The following ARID3A variants were observed in gnomAD, a reference collection of about 807,000 sequenced individuals.
The protein encoded by ARID3A is AT-rich interactive domain-containing protein 3A.
A neutral mutation model predicts 52.7 loss-of-function variants in ARID3A; 11 were observed. That is an observed-to-expected ratio of 0.21 (90% CI 0.13 to 0.35). The LOEUF is 0.35. Among genes scored for constraint, ARID3A ranks in the 10% least tolerant of loss-of-function variants. The pLI, the probability that ARID3A is intolerant of heterozygous loss-of-function variation, is 1.00. For missense variants in ARID3A, 721 were observed against 838.5 expected (o/e 0.86, Z 1.73); for synonymous variants, 404 against 359.4 (o/e 1.12, Z -1.40).
At chr19:950,877 C>T (rs931880554) in intron 3 of ARID3A, among the ~76,000 whole-genome samples, 2 of 151,972 alleles carry the variant, frequency 1.3e-5, no homozygotes, top group African/African-American at 4.8e-5. Flanking sequence ...GGCTGGAGTG[C>T]AATGGCACGA....
At chr19:951,101 C>A (rs924384085) in intron 3 of ARID3A, among the ~76,000 whole-genome samples, 1 of 151,972 alleles carries the variant, frequency 6.6e-6, no homozygotes, top group Non-Finnish European at 1.5e-5. Flanking sequence ...GGATTACAGG[C>A]GTGAGCCACT....
rs547284124 is a variant in ARID3A at position 941,150 on chromosome 19, C to T, written c.693+8408C>T. ...CCGCCCCATGCTTTCTAATAACACA[C>T]GCGGCAGCCCGAGGGAGCGGTGCCC... On this transcript the variant is annotated intron_variant, in intron 3 of 8. Coordinates refer to ENST00000263620, the MANE Select transcript of ARID3A (RefSeq NM_005224.3). This position sits in a 1 kb window ranked among gnomAD's most constrained non-coding sequence, Gnocchi z 6.9. 6.6e-6 allele frequency among the ~76,000 whole-genome samples: 1 copy of T among 152,224 alleles called. No individual in the cohort carries two copies. The highest frequency in any genetic ancestry group is 2.1e-4 in the South Asian group (1 of 4,836).
intron 3 of ARID3A, among the ~76,000 whole-genome samples, chr19:936,480 G>C (rs1382582732): frequency 6.6e-6 from 1 of 152,018 alleles, no homozygotes. Context: ...GGAGGACAAG[G>C]CTGCAGTGAG....
intron 3 of ARID3A, among the ~76,000 whole-genome samples, chr19:943,230 C>T (rs1040558779): frequency 6.7e-6 from 1 of 149,824 alleles, no homozygotes; most frequent in African/African-American, 2.5e-5. Context: ...GACTGCACTC[C>T]AGACTGGGCG....
chr19:951,888 C>G (rs569061244), intron 3 of ARID3A, among the ~76,000 whole-genome samples: 1 of 152,134 alleles, frequency 6.6e-6, no homozygotes, highest in Admixed American at 6.5e-5. Flanking sequence ...AGAATCCCAG[C>G]ACTTCGAGAG....
At position 975,488 on chromosome 19, in the gene ARID3A, T is replaced by C. The variant is rs1178833523; in HGVS notation, c.*3423T>C. On this transcript the variant is annotated 3_prime_UTR_variant, in exon 9 of 9. Coordinates refer to ENST00000263620, the MANE Select transcript of ARID3A (RefSeq NM_005224.3). The stretch of plus-strand genomic sequence containing the variant: ...CAATTGTGCTTTTGCATTTTTTTCC[T>C]TGGCAAATGTAAACTCAGCCTTTCA... The C allele has an allele frequency of 8.8e-6, 2 of 226,888 alleles. No individual in the cohort carries two copies. Among genetic ancestry groups the C allele is most frequent in the East Asian group, 1.3e-4 (2 of 15,940 alleles). 14.1% of individuals were successfully genotyped at this position (226,888 alleles called of 1,614,324 possible). A position where few individuals can be genotyped will look rare whatever the true frequency, so the allele number is the denominator to read the frequency against.
chr19:975,559 C>T lies in ARID3A; in HGVS notation c.*3494C>T, dbSNP rs2038361295. On this transcript the variant is annotated 3_prime_UTR_variant, in exon 9 of 9. Coordinates refer to ENST00000263620, the MANE Select transcript of ARID3A (RefSeq NM_005224.3). ...AGTTTCTCTGGAGTTTGTCAGACGG[C>T]GTGGGAACCACGCCTGAAACTCAGG... The T allele has an allele frequency of 9.8e-6, 2 of 203,662 alleles. No individual in the cohort carries two copies. The highest frequency in any genetic ancestry group is 6.0e-5 in the Admixed American group (1 of 16,682). 12.6% of individuals were successfully genotyped at this position (203,662 alleles called of 1,614,324 possible). A position where few individuals can be genotyped will look rare whatever the true frequency, so the allele number is the denominator to read the frequency against.
chr19:968,547 C>T (rs199783917), intron 8 of ARID3A, 44 bp downstream of exon 8: 85 of 1,583,166 alleles, frequency 5.4e-5, no homozygotes, highest in South Asian at 1.6e-4. Flanking sequence ...TCGCCTCTCC[C>T]GCCGCCGTGA....
rs576658906 is a variant in ARID3A, at chr19:960,420, C to T, written c.766+256C>T. On this transcript the variant is annotated intron_variant, in intron 4 of 8. Transcript: ENST00000263620. The surrounding 1 kb of genome is among the most constrained non-coding windows in gnomAD (Gnocchi z 4.3). The stretch of plus-strand genomic sequence containing the variant: ...GGGGGGCAGGGCAGTCTCAGGGCCC[C>T]AACCCAGAACAGACAGTCCAGGTCA... Among the ~76,000 whole-genome samples, 2 of 152,172 alleles carry T rather than the reference C, an allele frequency of 1.3e-5. No homozygotes were observed. Among genetic ancestry groups the T allele is most frequent in the East Asian group, 3.9e-4 (2 of 5,170 alleles).
chr19:966,997 T>G, intron 7 of ARID3A, 129 bp downstream of exon 7: 5 of 1,185,498 alleles, frequency 4.2e-6, no homozygotes, highest in Non-Finnish European at 5.7e-6. Context: ...GTGGCTGACA[T>G]CTGTAATCCC....
At chr19:954,540 T>C (rs1049347748) in intron 3 of ARID3A, among the ~76,000 whole-genome samples, 21 of 152,178 alleles carry the variant, frequency 1.4e-4, no homozygotes, top group African/African-American at 5.1e-4. Flanking sequence ...GAATTCCGCA[T>C]GTTCCAGGGC....
At chr19:951,553 A>C (rs951149281) in intron 3 of ARID3A, among the ~76,000 whole-genome samples, 2 of 152,096 alleles carry the variant, frequency 1.3e-5, no homozygotes, top group African/African-American at 2.4e-5. Flanking sequence ...CCTGTCTCAA[A>C]AAAAGGAAAA....
At chr19:932,224 C>G (rs1338287038) in intron 2 of ARID3A, among the ~76,000 whole-genome samples, 194 bp from the exon 3 acceptor site, 1 of 152,110 alleles carries the variant, frequency 6.6e-6, no homozygotes, top group East Asian at 1.9e-4. Flanking sequence ...CTGTTCTGGG[C>G]TAATTGGAAA....
rs143636573 is a variant in ARID3A, at chr19:964,330, C to T, written c.849C>T (p.Gly283=). 4,897 of 1,614,122 alleles carry T rather than the reference C, an allele frequency of 3.0e-3. 28 individuals carry two copies. Among genetic ancestry groups the T allele is most frequent in the South Asian group, 0.019 (1,726 of 91,088 alleles). ...FMLYVLVTEK[G]GLVEVINKKL... is the part of the protein sequence containing the mutation. ...TGTACGTGCTGGTGACGGAGAAGGG[C>T]GGCCTCGTGGAGGTCATCAACAAGA... The change falls in exon 5 of 9, where the codon GGC becomes GGT. Residue 283 remains glycine, a synonymous_variant. Coordinates refer to ENST00000263620, the MANE Select transcript of ARID3A (RefSeq NM_005224.3). This position sits in a 1 kb window ranked among gnomAD's most constrained non-coding sequence, Gnocchi z 5.7.
intron 3 of ARID3A, among the ~76,000 whole-genome samples, chr19:940,917 G>A (rs865942842): frequency 1.3e-5 from 2 of 152,202 alleles, no homozygotes; most frequent in South Asian, 2.1e-4. Context: ...TGGCGGGCGA[G>A]GGGTGGGTGG....
At chr19:963,627 C>A (rs551552750) in intron 4 of ARID3A, among the ~76,000 whole-genome samples, 1 of 152,172 alleles carries the variant, frequency 6.6e-6, no homozygotes, top group East Asian at 1.9e-4. Context: ...TCTTCCTGGG[C>A]CAGCCCACCT....
chr19:958,974 A>C (rs539478387), intron 3 of ARID3A, among the ~76,000 whole-genome samples: 60 of 152,252 alleles, frequency 3.9e-4, no homozygotes, highest in African/African-American at 1.3e-3. Context: ...TCACGTTGCC[A>C]CTGCCTACGG....
chr19:935,253 C>A (rs899557846), intron 3 of ARID3A, among the ~76,000 whole-genome samples: 2 of 152,236 alleles, frequency 1.3e-5, no homozygotes, highest in Non-Finnish European at 2.9e-5. Context: ...GGTGGCCAGG[C>A]CGCGGCGGGG....
rs2037723807 is a variant in ARID3A, at chr19:947,993, A to C, written c.694-12099A>C. On this transcript the variant is annotated intron_variant, in intron 3 of 8. Transcript: ENST00000263620. The surrounding 1 kb of genome is among the most constrained non-coding windows in gnomAD (Gnocchi z 6.3). Reference sequence around the variant, plus strand: ...TGGTCAGGTGCACGAGGAGCAACCCATGGCCAGGCAGAGCCCAGAGAGGGC... The same window carrying C: ...TGGTCAGGTGCACGAGGAGCAACCCCTGGCCAGGCAGAGCCCAGAGAGGGC... Among the ~76,000 whole-genome samples the C allele has an allele frequency of 6.6e-6, 1 of 152,142 alleles. No homozygotes were observed. Among genetic ancestry groups the C allele is most frequent in the Non-Finnish European group, 1.5e-5 (1 of 67,994 alleles).
Sources: gnomAD v4.1 joint callset for allele counts (sites outside exome capture counted in the v4.1 genomes callset) on GRCh38, gnomAD v4.1.1 for gene constraint, Gnocchi (gnomAD v3.1) non-coding constraint, MANE v1.5 for transcripts, NCBI Gene and HGNC (gene_info 2026-07-23, HGNC 2026-07-21) for gene names.